Variants in MITD1 observed in about 807,000 individuals in gnomAD.
MITD1 encodes microtubule interacting and trafficking domain containing 1.
MITD1 carries 24 observed loss-of-function variants against 34.9 expected under a neutral mutation model. The observed-to-expected ratio is 0.69, with a 90% CI of 0.50 to 0.97. MITD1 has a LOEUF of 0.97. Ranked by LOEUF, MITD1 falls within the 50% of genes least tolerant of loss-of-function variation. The pLI is 0.00. For missense variants in MITD1, 266 were observed against 294.6 expected (o/e 0.90, Z 0.71); for synonymous variants, 102 against 101.4 (o/e 1.01, Z -0.04).
intron 7 of MITD1, chr2:99,162,264 G>A: frequency 1.9e-6 from 3 of 1,613,090 alleles, no homozygotes; most frequent in Non-Finnish European, 1.7e-6. Flanking sequence ...AAGAAGTGGA[G>A]GAGGAACAGT....
intron 1 of MITD1, among the ~76,000 whole-genome samples, chr2:99,180,383 G>T (rs189072957): frequency 6.6e-6 from 1 of 152,196 alleles, no homozygotes; most frequent in East Asian, 1.9e-4. Context: ...ATTAACTAAA[G>T]ACATCATAGC....
Position 99,180,868 on chromosome 2 carries a change from G to A in MITD1, c.114C>T (p.Tyr38=). 6.2e-7 allele frequency: 1 copy of A among 1,614,134 alleles called. No individual in the cohort carries two copies. Among genetic ancestry groups the A allele is most frequent in the Non-Finnish European group, 8.5e-7 (1 of 1,180,022 alleles). Residue 38 remains tyrosine (Y), a synonymous_variant, in exon 1 of 7, where the codon TAC becomes TAT. Transcript: ENST00000289359. Reference sequence around the variant, plus strand: ...GCAGGAGCAGATCAATCCCCTCTTGGTAACACACCAGAGCCTGCGGATACC... The same window carrying A: ...GCAGGAGCAGATCAATCCCCTCTTGATAACACACCAGAGCCTGCGGATACC... ...ESRYPQALVC[Y]QEGIDLLLQV...
chr2:99,180,855 C>A lies in MITD1; in HGVS notation c.127G>T (p.Asp43Tyr). Residue 43 changes from aspartate to tyrosine, a missense_variant, in exon 1 of 7, where the codon GAT (aspartate) becomes TAT (tyrosine). Coordinates refer to ENST00000289359, the MANE Select transcript of MITD1 (RefSeq NM_138798.3). Reference sequence around the variant, plus strand: ...CCTTTCAGAACCTGCAGGAGCAGATCAATCCCCTCTTGGTAACACACCAGA... The same window carrying A: ...CCTTTCAGAACCTGCAGGAGCAGATAAATCCCCTCTTGGTAACACACCAGA... Reference protein sequence around the residue: ...QALVCYQEGIDLLLQVLKGTK... With the variant: ...QALVCYQEGIYLLLQVLKGTK... 1 of 1,614,196 alleles carries A rather than the reference C, an allele frequency of 6.2e-7. No homozygotes were observed. Among genetic ancestry groups the A allele is most frequent in the South Asian group, 1.1e-5 (1 of 91,072 alleles).
Position 99,179,880 on chromosome 2 carries a change from C to A in MITD1, c.151+951G>T, listed in dbSNP as rs146656051. ...CGCCCGGCCGGTAGAGTTTGTAGTT[C>A]TGACCAAAGCACCAAACCATAAAGG... On this transcript the variant is annotated intron_variant, in intron 1 of 6. Transcript: ENST00000289359. Among the ~76,000 whole-genome samples, 1,027 of 152,184 alleles carry A rather than the reference C, an allele frequency of 6.7e-3. 16 individuals are homozygous for A. Among genetic ancestry groups the A allele is most frequent in the African/African-American group, 0.024 (994 of 41,538 alleles).
At chr2:99,176,389 A>C (rs1038310958) in intron 1 of MITD1, among the ~76,000 whole-genome samples, 2 of 148,664 alleles carry the variant, frequency 1.3e-5, no homozygotes, top group Non-Finnish European at 3.0e-5. Context: ...CTGGAGGCGC[A>C]ATCTCGGCTT....
In MITD1 at chr2:99,169,669, G is replaced by A. The variant is rs568789358; in HGVS notation, c.594-59C>T. 1.7e-5 allele frequency: 24 copies of A among 1,407,380 alleles called. No individual in the cohort carries two copies. The African/African-American group carries it at 2.7e-4, about 16-fold the overall frequency. 87.2% of individuals were successfully genotyped at this position (1,407,380 alleles called of 1,614,324 possible). On this transcript the variant is annotated intron_variant, in intron 5 of 6. Transcript: ENST00000289359. ...ACATTTAAGTCAGACTATTAATAAAGCTGTAGTGTATTAAGTGTCAGCAAA... is the reference window on the plus strand; with the variant it reads ...ACATTTAAGTCAGACTATTAATAAAACTGTAGTGTATTAAGTGTCAGCAAA...
chr2:99,162,295 T>C, intron 7 of MITD1: 4 of 1,612,940 alleles, frequency 2.5e-6, no homozygotes, highest in Non-Finnish European at 2.5e-6. Context: ...ATGGGTAATA[T>C]CAATTTGACT....
rs1040713193 is a variant in MITD1 at position 99,180,871 on chromosome 2, A to G, written c.111T>C (p.Cys37=). ...GGAGCAGATCAATCCCCTCTTGGTAACACACCAGAGCCTGCGGATACCGCG... is the reference window on the plus strand; with the variant it reads ...GGAGCAGATCAATCCCCTCTTGGTAGCACACCAGAGCCTGCGGATACCGCG... ...SESRYPQALV[C]YQEGIDLLLQ... The change falls in exon 1 of 7, where the codon TGT becomes TGC. Residue 37 remains cysteine, a synonymous_variant. Coordinates refer to ENST00000289359, the MANE Select transcript of MITD1 (RefSeq NM_138798.3). The G allele has an allele frequency of 2.5e-5, 40 of 1,614,164 alleles. No individual in the cohort carries two copies. Among genetic ancestry groups the G allele is most frequent in the Non-Finnish European group, 3.1e-5 (36 of 1,180,030 alleles).
At position 99,171,684 on chromosome 2, in the gene MITD1, A is replaced by T. The variant is rs188688938; in HGVS notation, c.254-38T>A. 11,347 of 1,444,556 alleles carry T rather than the reference A, an allele frequency of 7.9e-3. 47 individuals carry two copies. The highest frequency in any genetic ancestry group is 9.3e-3 in the Non-Finnish European group (10,002 of 1,072,962). The allele number at this position is 1,444,556 out of a possible 1,614,324, so 89.5% of individuals were successfully genotyped here. A position where few individuals can be genotyped will look rare whatever the true frequency, so the allele number is the denominator to read the frequency against. ...GGCTTCAACAGTAAAACCAGTGACC[A>T]TTTTTTTTTTACACATTTTATATTT... On this transcript the variant is annotated intron_variant, in intron 2 of 6. Coordinates refer to ENST00000289359, the MANE Select transcript of MITD1 (RefSeq NM_138798.3).
At chr2:99,163,509 A>G (rs2516836) in intron 7 of MITD1, among the ~76,000 whole-genome samples, 89,775 of 151,610 alleles carry the variant, frequency 0.59, 27,502 homozygotes, top group East Asian at 0.88. Context: ...TCTATTTTTA[A>G]TAGAGACAGG....
downstream of MITD1, chr2:99,169,182 A>G (rs1182117416): frequency 5.1e-6 from 2 of 393,464 alleles, no homozygotes; most frequent in East Asian, 4.4e-5. Flanking sequence ...ATTACTTGAA[A>G]GAAACATTGT....
chr2:99,163,944 T>C (rs987088761), intron 7 of MITD1, among the ~76,000 whole-genome samples: 1 of 152,214 alleles, frequency 6.6e-6, no homozygotes, highest in Non-Finnish European at 1.5e-5. Context: ...AAATTTACTT[T>C]ATGCTTTACT....
intron 1 of MITD1, among the ~76,000 whole-genome samples, chr2:99,175,379 G>A (rs1030891606): frequency 3.3e-5 from 5 of 152,196 alleles, no homozygotes; most frequent in Non-Finnish European, 1.5e-5. Flanking sequence ...AATAATATTG[G>A]TCAGTTATTT....
Position 99,170,620 on chromosome 2 carries a change from C to A in MITD1, c.510G>T (p.Leu170=), listed in dbSNP as rs1559177224. The A allele has an allele frequency of 3.1e-6, 5 of 1,606,562 alleles. No homozygotes were observed. Among genetic ancestry groups the A allele is most frequent in the Non-Finnish European group, 3.4e-6 (4 of 1,173,940 alleles). The change falls in exon 5 of 7, where the codon CTG becomes CTT. Residue 170 remains leucine, a synonymous_variant. Transcript: ENST00000289359. ...TCCTGAGTGACTCTTCTATTTCTTG[C>A]AGGCCTCTACTTTGCTGCACTTGCT... is the stretch of plus-strand genomic sequence containing the variant. The part of the protein sequence containing the change: ...GIEQVQQSRG[L]QEIEESLRSH...
Position 99,169,595 on chromosome 2 carries a change from C to T in MITD1, c.609G>A (p.Trp203Ter), listed in dbSNP as rs766179256. 8.1e-6 allele frequency: 13 copies of T among 1,607,176 alleles called. No individual in the cohort carries two copies. In the East Asian group the frequency reaches 2.9e-4, roughly 36 times the overall value. Reference protein sequence around the residue: ...HDREIRFNNGWMIKIGRGLDY... With the variant: ...HDREIRFNNG The stretch of plus-strand genomic sequence containing the variant: ...CAAGTCCCCTTCCAATCTTAATCAT[C>T]CATCCATTGTTGAACCTGTTGAAAT... The change falls in exon 6 of 7, where the codon TGG becomes TGA. Residue 203 changes from tryptophan (W) to a stop codon, truncating the protein, a stop_gained. Transcript: ENST00000289359. LOFTEE classifies it high-confidence loss of function.
chr2:99,173,995 C>T lies in MITD1; in HGVS notation c.173G>A (p.Arg58Lys). ...VLKGTKDNTK[R>K]CNLREKISKY... ...GGAAATTTTTTCTCTGAGATTACAT[C>T]TCTTAGTATTATCTTTGGTACCTAC... Residue 58 changes from arginine to lysine, a missense_variant, in exon 2 of 7, where the codon AGA (arginine) becomes AAA (lysine). Transcript: ENST00000289359. The T allele has an allele frequency of 6.4e-7, 1 of 1,560,118 alleles. No individual in the cohort carries two copies. Among genetic ancestry groups the T allele is most frequent in the East Asian group, 2.2e-5 (1 of 44,468 alleles).
At chr2:99,162,280 A>G (rs1212695584) in intron 7 of MITD1, 5 of 1,612,378 alleles carry the variant, frequency 3.1e-6, no homozygotes, top group Admixed American at 3.3e-5. Flanking sequence ...ACAGTCTACC[A>G]TGATATGGGT....
At chr2:99,166,881 ATATATATATATATAT>A (rs2093829689), downstream of MITD1, among the ~76,000 whole-genome samples, 1 of 142,840 alleles carries the variant, frequency 7.0e-6, no homozygotes, top group African/African-American at 2.6e-5. Flanking sequence ...ATATATATAT[ATATATATATATATAT>A]AAATTTTTCA....
chr2:99,171,698 C>T (rs1370836651), intron 2 of MITD1, 52 bp from the exon 3 acceptor site: 4 of 1,540,484 alleles, frequency 2.6e-6, no homozygotes, highest in East Asian at 2.3e-5. Context: ...TTTTTTTACA[C>T]ATTTTATATT....
Sources: allele counts gnomAD v4.1 joint callset (sites outside exome capture counted in the v4.1 genomes callset), GRCh38; gene constraint gnomAD v4.1.1; transcripts MANE v1.5; gene names NCBI Gene and HGNC (gene_info 2026-07-23, HGNC 2026-07-21).